Variants in AGAP3 observed in about 807,000 individuals in gnomAD.
The protein encoded by AGAP3 is ArfGAP with GTPase domain, ankyrin repeat and PH domain 3.
In AGAP3, 24 loss-of-function variants were observed where a neutral mutation model predicts 96.9. The ratio of observed to expected loss-of-function variants is 0.25; its 90% CI spans 0.18 to 0.35. The LOEUF is 0.35. Ranked by LOEUF, AGAP3 falls within the 10% of genes least tolerant of loss-of-function variation. AGAP3 has a pLI of 1.00. For synonymous variants in AGAP3, 563 were observed against 536.1 expected (o/e 1.05, Z -0.69); for missense variants, 876 against 1,254.2 (o/e 0.70, Z 4.55).
chr7:151,131,224 C>A (rs1302525157), intron 10 of AGAP3: 1 of 152,272 alleles, frequency 6.6e-6, no homozygotes, highest in Middle Eastern at 3.2e-3. Flanking sequence ...GCCGCAGCCT[C>A]CCCCATTTTG....
chr7:151,104,824 G>A (rs1324370742), intron 1 of AGAP3, among the ~76,000 whole-genome samples: 1 of 152,228 alleles, frequency 6.6e-6, no homozygotes, highest in Non-Finnish European at 1.5e-5. Flanking sequence ...TAAAAAAGAA[G>A]GAAGTGACGT....
chr7:151,111,501 C>G (rs1799282930), intron 1 of AGAP3, among the ~76,000 whole-genome samples: 1 of 152,204 alleles, frequency 6.6e-6, no homozygotes, highest in African/African-American at 2.4e-5. Flanking sequence ...ATCCTCAGGA[C>G]CAGCTTTCTC....
At chr7:151,099,107 G>A (rs1315859206) in intron 1 of AGAP3, among the ~76,000 whole-genome samples, 1 of 151,934 alleles carries the variant, frequency 6.6e-6, no homozygotes, top group African/African-American at 2.4e-5. Context: ...ACTTTGGGAG[G>A]CCGAGGCAGG....
chr7:151,130,476 C>T (rs1053511931), intron 10 of AGAP3, among the ~76,000 whole-genome samples: 5 of 152,150 alleles, frequency 3.3e-5, no homozygotes, highest in African/African-American at 4.8e-5. Flanking sequence ...AGAGCACCTC[C>T]CTCTGGGGCT....
intron 9 of AGAP3, among the ~76,000 whole-genome samples, chr7:151,127,458 C>T (rs562630659): frequency 2.3e-4 from 35 of 152,292 alleles, no homozygotes; most frequent in Non-Finnish European, 4.3e-4. Context: ...CACTCAGCCC[C>T]CAGTTTGTGG....
rs1800803201 is a variant in AGAP3 at position 151,141,330 on chromosome 7, T to C, written c.1805-568T>C. 1 of 167,610 alleles carries C rather than the reference T, an allele frequency of 6.0e-6. No individual in the cohort carries two copies. The highest frequency in any genetic ancestry group is 1.3e-5 in the Non-Finnish European group (1 of 77,616). The allele number at this position is 167,610 out of a possible 1,614,324, so 10.4% of individuals were successfully genotyped here. A position where few individuals can be genotyped will look rare whatever the true frequency, so the allele number is the denominator to read the frequency against. ...ATTTGCTCACATACTGCAGGTCCTG[T>C]AGAAAACCTCTCCTCCTCTCCCCCA... On this transcript the variant is annotated intron_variant, in intron 13 of 17. Transcript: ENST00000397238. The surrounding 1 kb of genome is among the most constrained non-coding windows in gnomAD (Gnocchi z 4.2).
rs1798612945 is a variant in AGAP3 at position 151,096,583 on chromosome 7, C to T, written c.331+9511C>T. Among the ~76,000 whole-genome samples the T allele has an allele frequency of 6.6e-6, 1 of 151,038 alleles. No individual in the cohort carries two copies. On this transcript the variant is annotated intron_variant, in intron 1 of 17. Transcript: ENST00000397238. This position sits in a 1 kb window ranked among gnomAD's most constrained non-coding sequence, Gnocchi z 4.4. ...TGCCTCCCAGGTTCACGCCATTCTC[C>T]TGCCACAGCCTCCCGAGTAGCTGGG... is the stretch of plus-strand genomic sequence containing the variant.
At chr7:151,123,046 C>G in intron 8 of AGAP3, 1 of 1,323,080 alleles carries the variant, frequency 7.6e-7, no homozygotes, top group African/African-American at 1.5e-5. Context: ...CGGCCCCACG[C>G]CCGGCGCTGG....
At chr7:151,100,921 G>A (rs1011272024) in intron 1 of AGAP3, among the ~76,000 whole-genome samples, 1 of 152,212 alleles carries the variant, frequency 6.6e-6, no homozygotes, top group Admixed American at 6.5e-5. Context: ...GACCCTGCCT[G>A]GCCGACTCTG....
At position 151,142,458 on chromosome 7, in the gene AGAP3, G is replaced by A; in HGVS notation, c.2097G>A (p.Glu699=). ...SLNLGALMCI[E]CSGIHRHLGA... ...ACCTGGGTGCCCTGATGTGCATTGA[G>A]TGCTCAGGCATCCACCGACACCTGG... The change falls in exon 16 of 18, where the codon GAG becomes GAA. Residue 699 remains glutamate, a synonymous_variant. Transcript: ENST00000397238. This position sits in a 1 kb window ranked among gnomAD's most constrained non-coding sequence, Gnocchi z 7.5. The A allele has an allele frequency of 1.2e-6, 2 of 1,614,024 alleles. No individual in the cohort carries two copies. Among genetic ancestry groups the A allele is most frequent in the Non-Finnish European group, 8.5e-7 (1 of 1,180,030 alleles).
At chr7:151,093,738 T>C (rs1247554973) in intron 1 of AGAP3, among the ~76,000 whole-genome samples, 1 of 152,194 alleles carries the variant, frequency 6.6e-6, no homozygotes, top group East Asian at 1.9e-4. Flanking sequence ...CCGTGTTCAT[T>C]TGCGTATTTG....
At chr7:151,115,436 C>T in intron 1 of AGAP3, 1 of 1,010,454 alleles carries the variant, frequency 9.9e-7, no homozygotes, top group Non-Finnish European at 1.2e-6. Flanking sequence ...ACGGCGACGC[C>T]GGCTCCCTAG....
intron 8 of AGAP3, 150 bp downstream of exon 8, chr7:151,120,295 G>A (rs1799816363): frequency 2.3e-6 from 2 of 863,208 alleles, no homozygotes; most frequent in African/African-American, 1.7e-5. Context: ...GCTCCCGAGG[G>A]TCCTTGCCGG....
intron 12 of AGAP3, among the ~76,000 whole-genome samples, 161 bp downstream of exon 12, chr7:151,138,474 G>C (rs1211822248): frequency 6.6e-6 from 1 of 152,218 alleles, no homozygotes; most frequent in Non-Finnish European, 1.5e-5. Context: ...GAGAGACCCT[G>C]CTTCGGGGCT....
chr7:151,122,575 T>C (rs1799960207), intron 8 of AGAP3: 7 of 859,358 alleles, frequency 8.1e-6, no homozygotes, highest in Admixed American at 5.1e-5. Context: ...CCTTCTCCTC[T>C]TCCTCGTCCT....
At position 151,114,889 on chromosome 7, in the gene AGAP3, C is replaced by T. The variant is rs1352512385; in HGVS notation, c.332-1904C>T. 2 of 1,003,532 alleles carry T rather than the reference C, an allele frequency of 2.0e-6. No homozygotes were observed. Among genetic ancestry groups the T allele is most frequent in the Middle Eastern group, 5.0e-4 (1 of 2,010 alleles). The allele number at this position is 1,003,532 out of a possible 1,614,324, so 62.2% of individuals were successfully genotyped here. ...CACGGCGCCTCGGCCGGCCGCGCTG[C>T]CGCCGCCCTGCAGGCCGCCCTCTGC... On this transcript the variant is annotated intron_variant, in intron 1 of 17. Transcript: ENST00000397238. This position sits in a 1 kb window ranked among gnomAD's most constrained non-coding sequence, Gnocchi z 4.4.
At chr7:151,115,548 A>C (rs1243639265) in intron 1 of AGAP3, 5 of 1,100,918 alleles carry the variant, frequency 4.5e-6, no homozygotes, top group African/African-American at 1.7e-5. Flanking sequence ...GAGGCTGCTC[A>C]CGAGCCGCTT....
intron 1 of AGAP3, among the ~76,000 whole-genome samples, chr7:151,111,769 G>A (rs888358529): frequency 1.1e-4 from 16 of 152,278 alleles, no homozygotes; most frequent in African/African-American, 2.9e-4. Context: ...TGCACACTGC[G>A]GGCATTTGTG....
rs879739943 is a variant in AGAP3 at position 151,122,624 on chromosome 7, C to T, written c.1129-1170C>T. 3.5e-5 allele frequency: 49 copies of T among 1,416,872 alleles called. No homozygotes were observed. The Admixed American group carries it at 5.6e-4, about 16-fold the overall frequency. 87.8% of individuals were successfully genotyped at this position (1,416,872 alleles called of 1,614,324 possible). ...CTCCTCCTCTTCATCCCGCTGCCGC[C>T]GCTCCCCAGGCGCCTGGGTCTCTGC... is the stretch of plus-strand genomic sequence containing the variant. On this transcript the variant is annotated intron_variant, in intron 8 of 17. Coordinates refer to ENST00000397238, the MANE Select transcript of AGAP3 (RefSeq NM_031946.7).
Sources: allele counts gnomAD v4.1 joint callset (sites outside exome capture counted in the v4.1 genomes callset), GRCh38; gene constraint gnomAD v4.1.1; non-coding constraint Gnocchi (gnomAD v3.1); transcripts MANE v1.5; gene names NCBI Gene and HGNC (gene_info 2026-07-23, HGNC 2026-07-21).